Variants in TRAPPC8 observed in about 807,000 individuals in gnomAD.
The protein encoded by TRAPPC8 is trafficking protein particle complex subunit 8.
In TRAPPC8, 54 loss-of-function variants were observed where a neutral mutation model predicts 174.3. The observed-to-expected ratio is 0.31, with a 90% CI of 0.25 to 0.39. TRAPPC8 has a LOEUF of 0.39. TRAPPC8 is among the 10% of genes least tolerant of loss of function. TRAPPC8 has a pLI of 1.00. For missense variants in TRAPPC8, 1,531 were observed against 1,699.1 expected, an observed-to-expected ratio of 0.90 and a Z score of 1.74; for synonymous variants, 630 against 579.9, an observed-to-expected ratio of 1.09 and a Z score of -1.24.
At chr18:31,926,526 C>A (rs957267234) in intron 2 of TRAPPC8, 3 of 151,352 alleles carry the variant, frequency 2.0e-5, no homozygotes, top group Non-Finnish European at 4.4e-5. Context: ...TGGAGTGCAA[C>A]GGTGGGATCT....
At chr18:31,848,863 T>C (rs2033553002) in intron 25 of TRAPPC8, among the ~76,000 whole-genome samples, 1 of 152,220 alleles carries the variant, frequency 6.6e-6, no homozygotes, top group Admixed American at 6.5e-5. Context: ...TCCTTTGCAG[T>C]ATAGTTCAGT....
In TRAPPC8 at chr18:31,855,767, G is replaced by A. The variant is rs775221359; in HGVS notation, c.3229C>T (p.Arg1077Trp). 3.6e-5 allele frequency: 58 copies of A among 1,602,716 alleles called. No individual in the cohort carries two copies. The highest frequency in any genetic ancestry group is 4.8e-5 in the Non-Finnish European group (56 of 1,177,714). The stretch of plus-strand genomic sequence containing the variant: ...ACAGTGGCCCGTACATTTAAAGACC[G>A]ACTGGTACAAATAATTGCAGTGTGT... Reference protein sequence around the residue: ...LRHTAIICTSRSLNVRATVCR... With the variant: ...LRHTAIICTSWSLNVRATVCR... The change falls in exon 21 of 29, where the codon CGG becomes TGG. Residue 1077 changes from arginine to tryptophan, a missense_variant. Arg to Trp is a moderately radical substitution (Grantham distance 101). Coordinates refer to ENST00000283351, the MANE Select transcript of TRAPPC8 (RefSeq NM_014939.5).
intron 1 of TRAPPC8, among the ~76,000 whole-genome samples, chr18:31,936,464 G>A (rs1049080012): frequency 8.6e-5 from 13 of 151,994 alleles, no homozygotes; most frequent in African/African-American, 2.4e-4. Context: ...ACCCTGTCTC[G>A]AAAAATTAAT....
At chr18:31,932,011 C>A (rs1452915367) in intron 1 of TRAPPC8, among the ~76,000 whole-genome samples, 1 of 152,216 alleles carries the variant, frequency 6.6e-6, no homozygotes, top group Non-Finnish European at 1.5e-5. Flanking sequence ...ATGCCCACAC[C>A]AGTGCACGAT....
In TRAPPC8 at chr18:31,857,714, C is replaced by G; in HGVS notation, c.3014G>C (p.Gly1005Ala). ...LISSASSVDF[G>A]IGTGSQPEVI... ...CTCTGGTTGACTTCCTGTGCCAATG[C>G]CAAAGTCTACAGAAGAAGCTGATGA... The change falls in exon 20 of 29, where the codon GGC becomes GCC. Residue 1005 changes from glycine to alanine, a missense_variant. Gly to Ala is a moderately conservative substitution (Grantham distance 60). Coordinates refer to ENST00000283351, the MANE Select transcript of TRAPPC8 (RefSeq NM_014939.5). 6.2e-7 allele frequency: 1 copy of G among 1,614,030 alleles called. No individual in the cohort carries two copies. The highest frequency in any genetic ancestry group is 8.5e-7 in the Non-Finnish European group (1 of 1,179,992).
chr18:31,937,049 A>G (rs1336620543), intron 1 of TRAPPC8, among the ~76,000 whole-genome samples: 1 of 151,816 alleles, frequency 6.6e-6, no homozygotes, highest in Non-Finnish European at 1.5e-5. Flanking sequence ...CGTCTCTACT[A>G]AAAAAACACA....
In TRAPPC8 at chr18:31,936,645, T is replaced by C. The variant is rs571615616; in HGVS notation, c.158-5122A>G. Among the ~76,000 whole-genome samples, 8 of 152,174 alleles carry C rather than the reference T, an allele frequency of 5.3e-5. No homozygotes were observed. The South Asian group carries it at 1.5e-3, about 28-fold the overall frequency. ...GGCCAGACGCAGTGGCTCATGCCTG[T>C]AATCCAGCACTTTGGGAGGCCGAAG... On this transcript the variant is annotated intron_variant, in intron 1 of 28. Coordinates refer to ENST00000283351, the MANE Select transcript of TRAPPC8 (RefSeq NM_014939.5).
At chr18:31,910,899 TCTTAGAATGGCCC>T (rs1408065403) in intron 5 of TRAPPC8, among the ~76,000 whole-genome samples, 8 of 152,182 alleles carry the variant, frequency 5.3e-5, no homozygotes, top group Non-Finnish European at 1.0e-4. Flanking sequence ...CTGTTCTTAT[TCTTAGAATGGCCC>T]CTAAAAGACC....
intron 13 of TRAPPC8, chr18:31,874,114 G>A: frequency 3.6e-6 from 1 of 275,392 alleles, no homozygotes; most frequent in Non-Finnish European, 6.7e-6. Flanking sequence ...AAAGAACATA[G>A]AATGTCCATC....
chr18:31,851,695 A>G lies in TRAPPC8; in HGVS notation c.3561+751T>C, dbSNP rs572330019. 2.6e-5 allele frequency among the ~76,000 whole-genome samples: 4 copies of G among 152,156 alleles called. No individual in the cohort carries two copies. In the South Asian group the frequency reaches 8.3e-4, roughly 32 times the overall value. ...TTATACATAATTAGGATGGAATATC[A>G]CTGCCCTAGAGAGTAATAGCTTTAA... On this transcript the variant is annotated intron_variant, in intron 24 of 28. Transcript: ENST00000283351.
At chr18:31,874,818 G>A (rs2276144) in intron 12 of TRAPPC8, 114 bp from the exon 13 acceptor site, 205,190 of 770,546 alleles carry the variant, frequency 0.27, 31,510 homozygotes, top group South Asian at 0.51. Flanking sequence ...CCTCTAAGGG[G>A]GACTGGGATA....
At chr18:31,933,217 T>C (rs988591756) in intron 1 of TRAPPC8, among the ~76,000 whole-genome samples, 6 of 144,776 alleles carry the variant, frequency 4.1e-5, no homozygotes, top group South Asian at 2.1e-4. Context: ...AGGAGAATGG[T>C]GTGAACCCGG....
chr18:31,844,289 A>G (rs1280956745), intron 26 of TRAPPC8: 1 of 152,232 alleles, frequency 6.6e-6, no homozygotes, highest in Non-Finnish European at 1.5e-5. Context: ...ATTCAAAAGC[A>G]GTAGTTTTGC....
intron 11 of TRAPPC8, among the ~76,000 whole-genome samples, chr18:31,892,268 T>A (rs1050831016): frequency 2.6e-5 from 4 of 152,074 alleles, no homozygotes; most frequent in Admixed American, 6.5e-5. Context: ...CCTATATATG[T>A]ATGTGCATGT....
intron 1 of TRAPPC8, 100 bp downstream of exon 1, chr18:31,942,508 G>A (rs576569605): frequency 3.6e-6 from 5 of 1,375,040 alleles, no homozygotes; most frequent in South Asian, 1.6e-5. Context: ...ACCGGCTCCA[G>A]GACGTAAACA....
At chr18:31,870,710 G>T (rs915734646) in intron 15 of TRAPPC8, among the ~76,000 whole-genome samples, 4 of 152,082 alleles carry the variant, frequency 2.6e-5, no homozygotes, top group Non-Finnish European at 5.9e-5. Flanking sequence ...CTGTACTAAA[G>T]AATGCCATTC....
chr18:31,830,696 T>C lies in TRAPPC8; in HGVS notation c.*59A>G. ...ACAAGTTAGGTATATCAAATACTGC[T>C]GTAAAACCCATCCAGCAAAAACTGA... is the stretch of plus-strand genomic sequence containing the variant. On this transcript the variant is annotated 3_prime_UTR_variant, in exon 29 of 29. Coordinates refer to ENST00000283351, the MANE Select transcript of TRAPPC8 (RefSeq NM_014939.5). 1 of 1,445,308 alleles carries C rather than the reference T, an allele frequency of 6.9e-7. No homozygotes were observed. The highest frequency in any genetic ancestry group is 1.9e-5 in the Admixed American group (1 of 53,592). The allele number at this position is 1,445,308 out of a possible 1,614,324, so 89.5% of individuals were successfully genotyped here. A position where few individuals can be genotyped will look rare whatever the true frequency, so the allele number is the denominator to read the frequency against.
At chr18:31,909,609 T>A (rs977381017) in intron 6 of TRAPPC8, 58 bp downstream of exon 6, 2 of 1,564,414 alleles carry the variant, frequency 1.3e-6, no homozygotes, top group Non-Finnish European at 1.7e-6. Flanking sequence ...GTTAGCATGA[T>A]CTGACAACAG....
chr18:31,923,748 T>TAAA (rs3980939), intron 2 of TRAPPC8, among the ~76,000 whole-genome samples: 86 of 141,436 alleles, frequency 6.1e-4, no homozygotes, highest in South Asian at 8.7e-4. Flanking sequence ...GGAAAGAAGC[T>TAAA]AAAAAAAAAA....
Sources: gnomAD v4.1 joint callset for allele counts (sites outside exome capture counted in the v4.1 genomes callset) on GRCh38, gnomAD v4.1.1 for gene constraint, MANE v1.5 for transcripts, NCBI Gene and HGNC (gene_info 2026-07-23, HGNC 2026-07-21) for gene names.